FRYL: variants seen among roughly 807,000 people sequenced by gnomAD.
FRYL encodes the protein protein furry homolog-like.
In FRYL, 150 loss-of-function variants were observed where a neutral mutation model predicts 351.2. The ratio of observed to expected loss-of-function variants is 0.43; its 90% confidence interval spans 0.37 to 0.49. FRYL has a LOEUF of 0.49. FRYL is among the 20% of genes least tolerant of loss of function. The pLI is 0.00. For synonymous variants in FRYL, 1,153 were observed against 1,257.1 expected, an observed-to-expected ratio of 0.92 and a Z score of 1.75; for missense variants, 3,036 against 3,619.3, an observed-to-expected ratio of 0.84 and a Z score of 4.13.
At chr4:48,648,451 C>T (rs904917489) in intron 3 of FRYL, among the ~76,000 whole-genome samples, 8 of 152,098 alleles carry the variant, frequency 5.3e-5, no homozygotes, top group African/African-American at 1.9e-4. Context: ...CACCTATCTC[C>T]CAAACTGTTA....
Position 48,580,067 on chromosome 4 carries a change from GC to G in FRYL, c.2259+797del, listed in dbSNP as rs1398790086. 7.3e-3 allele frequency among the ~76,000 whole-genome samples: 38 copies of G among 5,226 alleles called. 1 individual carries two copies. In the East Asian group the frequency reaches 0.45, roughly 62 times the overall value. The allele number at this position is 5,226 out of a possible 152,430, so 3.4% of individuals were successfully genotyped here. On this transcript the variant is annotated intron_variant, in intron 22 of 63. Transcript: ENST00000358350. ...AGTTTAGCATCATGGTAGCATCATGGCGGGGGGGAATTGTACAGATTTCTAA... is the reference window on the plus strand; with the variant it reads ...AGTTTAGCATCATGGTAGCATCATGGGGGGGGGAATTGTACAGATTTCTAA...
chr4:48,725,858 T>C (rs1049578635), intron 1 of FRYL, among the ~76,000 whole-genome samples: 6 of 152,200 alleles, frequency 3.9e-5, no homozygotes, highest in African/African-American at 1.4e-4. Flanking sequence ...TTAAACTTTA[T>C]CAGAGGTATG....
At chr4:48,744,622 C>A (rs1772463029) in intron 1 of FRYL, among the ~76,000 whole-genome samples, 1 of 152,138 alleles carries the variant, frequency 6.6e-6, no homozygotes, top group Non-Finnish European at 1.5e-5. Flanking sequence ...CAACTAAAAA[C>A]TGCATTAAGG....
chr4:48,628,551 T>C (rs1325865691), intron 4 of FRYL, among the ~76,000 whole-genome samples: 1 of 151,514 alleles, frequency 6.6e-6, no homozygotes, highest in Non-Finnish European at 1.5e-5. Context: ...ACAGAGAGAT[T>C]TGTTAAAGAA....
Position 48,583,904 on chromosome 4 carries a change from C to CA in FRYL, c.1749-1171dup, listed in dbSNP as rs144212209. Reference sequence around the variant, plus strand: ...TGGGCAACAGAGCAAGACATCATCTCAAAAAAAAAAGAAAAAAAAAAATGT... The same window carrying CA: ...TGGGCAACAGAGCAAGACATCATCTCAAAAAAAAAAAGAAAAAAAAAAATGT... On this transcript the variant is annotated intron_variant, in intron 19 of 63. Coordinates refer to ENST00000358350, the MANE Select transcript of FRYL (RefSeq NM_015030.2). Among the ~76,000 whole-genome samples the CA allele has an allele frequency of 4.5e-3, 583 of 128,790 alleles. 2 individuals are homozygous for CA. The highest frequency in any genetic ancestry group is 0.013 in the African/African-American group (460 of 34,256). The allele number at this position is 128,790 out of a possible 152,430, so 84.5% of individuals were successfully genotyped here.
At chr4:48,510,757 A>G (rs1722303632) in intron 58 of FRYL, 78 bp downstream of exon 58, 5 of 1,129,214 alleles carry the variant, frequency 4.4e-6, no homozygotes, top group Admixed American at 4.3e-5. Context: ...AAAATTCAGA[A>G]TTACTTAGAA....
At chr4:48,763,749 A>G (rs1464503958) in intron 1 of FRYL, among the ~76,000 whole-genome samples, 5 of 152,230 alleles carry the variant, frequency 3.3e-5, no homozygotes, top group Admixed American at 3.3e-4. Flanking sequence ...ACCCACTCTT[A>G]CTACTTCCAC....
At position 48,573,233 on chromosome 4, in the gene FRYL, C is replaced by G; in HGVS notation, c.2857G>C (p.Glu953Gln). ...TCTTTAATTATGGGATGTAATTCCTCTATTAGTTCCCTGGAAGAAAAATGG... is the reference window on the plus strand; with the variant it reads ...TCTTTAATTATGGGATGTAATTCCTGTATTAGTTCCCTGGAAGAAAAATGG... The part of the protein sequence containing the change: ...TNPGAFRELI[E>Q]ELHPIIKEAL... The change falls in exon 26 of 64, where the codon GAG becomes CAG. Residue 953 changes from glutamate (E) to glutamine (Q), a missense_variant. Physicochemically the swap from Glu to Gln is conservative, Grantham distance 29 (BLOSUM62 2). Around this residue, in one of 7 missense-constraint regions of FRYL, gnomAD observed 492 missense variants for 551.5 expected, o/e 0.89. Transcript: ENST00000358350. 2 of 1,608,734 alleles carry G rather than the reference C, an allele frequency of 1.2e-6. No homozygotes were observed. Among genetic ancestry groups the G allele is most frequent in the Non-Finnish European group, 1.7e-6 (2 of 1,175,270 alleles).
intron 2 of FRYL, among the ~76,000 whole-genome samples, chr4:48,688,309 A>C (rs911932906): frequency 1.3e-5 from 2 of 152,218 alleles, no homozygotes; most frequent in Admixed American, 6.5e-5. Context: ...TTTCAAATAA[A>C]TTTAAAATGA....
At chr4:48,521,239 A>T (rs1400689091) in intron 54 of FRYL, 24 bp from the exon 55 acceptor site, 1 of 1,561,212 alleles carries the variant, frequency 6.4e-7, no homozygotes, top group Admixed American at 1.7e-5. Flanking sequence ...GAGTAAAATA[A>T]GGAATTCATT....
At position 48,678,507 on chromosome 4, in the gene FRYL, CAAAAAAAAAA is replaced by C. The variant is rs10639089; in HGVS notation, c.-81+6156_-81+6165del. On this transcript the variant is annotated intron_variant, in intron 3 of 63. Coordinates refer to ENST00000358350, the MANE Select transcript of FRYL (RefSeq NM_015030.2). ...CTGGCGACAGAGCAAAACTCCATCT[CAAAAAAAAAA>C]AAAAAAAAAAAAAATAGAGAGAGAA... Among the ~76,000 whole-genome samples, 193 of 71,774 alleles carry C rather than the reference CAAAAAAAAAA, an allele frequency of 2.7e-3. 1 individual carries two copies. The highest frequency in any genetic ancestry group is 1.0e-2 in the African/African-American group (165 of 16,570). The allele number at this position is 71,774 out of a possible 152,430, so 47.1% of individuals were successfully genotyped here.
chr4:48,676,297 G>A (rs1446255776), intron 3 of FRYL, among the ~76,000 whole-genome samples: 4 of 152,082 alleles, frequency 2.6e-5, no homozygotes, highest in African/African-American at 9.7e-5. Context: ...CACTCACCGC[G>A]AAGGTCTGCA....
Position 48,714,111 on chromosome 4 carries a change from C to T in FRYL, c.-383-3413G>A, listed in dbSNP as rs530939300. On this transcript the variant is annotated intron_variant, in intron 1 of 63. Transcript: ENST00000358350. ...ACAACATACCAGAATCTCTGGGACA[C>T]ATTTAAAGCAGTGTGTAGAGGGAAA... 1.6e-3 allele frequency among the ~76,000 whole-genome samples: 238 copies of T among 152,246 alleles called. 5 individuals are homozygous for T. The highest frequency in any genetic ancestry group is 0.01 in the Middle Eastern group (3 of 294).
intron 1 of FRYL, among the ~76,000 whole-genome samples, chr4:48,733,473 A>C (rs761927569): frequency 5.3e-5 from 8 of 152,054 alleles, no homozygotes; most frequent in Non-Finnish European, 7.4e-5. Context: ...AAAAAAGGAA[A>C]AGGAAAATTA....
intron 4 of FRYL, among the ~76,000 whole-genome samples, chr4:48,626,377 A>G (rs918602721): frequency 2.0e-5 from 3 of 152,062 alleles, no homozygotes; most frequent in Non-Finnish European, 4.4e-5. Flanking sequence ...AAATTAAATC[A>G]TTTTCATTTT....
At chr4:48,658,389 C>T (rs1759692383) in intron 3 of FRYL, among the ~76,000 whole-genome samples, 1 of 151,960 alleles carries the variant, frequency 6.6e-6, no homozygotes, top group Non-Finnish European at 1.5e-5. Context: ...ACAGCCCCCA[C>T]AGATTTCAGC....
chr4:48,566,931 A>G (rs1017746059), intron 28 of FRYL, among the ~76,000 whole-genome samples: 2 of 152,134 alleles, frequency 1.3e-5, no homozygotes, highest in African/African-American at 4.8e-5. Flanking sequence ...TTTATTCTCA[A>G]TTATCATGAG....
At chr4:48,776,656 G>C (rs914381479) in intron 1 of FRYL, among the ~76,000 whole-genome samples, 7 of 152,174 alleles carry the variant, frequency 4.6e-5, no homozygotes, top group African/African-American at 1.7e-4. Flanking sequence ...TAGGAGAACA[G>C]AGGAAGAGCT....
At chr4:48,560,676 G>A (rs185721551) in intron 33 of FRYL, among the ~76,000 whole-genome samples, 59 of 152,162 alleles carry the variant, frequency 3.9e-4, no homozygotes, top group African/African-American at 1.4e-3. Flanking sequence ...CGGATGCGGG[G>A]GTTGGGAAAA....
Sources: gnomAD v4.1 joint callset for allele counts (sites outside exome capture counted in the v4.1 genomes callset) on GRCh38, gnomAD v4.1.1 for gene constraint, gnomAD v4.1.1 regional missense constraint, MANE v1.5 for transcripts, NCBI Gene and HGNC (gene_info 2026-07-23, HGNC 2026-07-21) for gene names.